Variants in NLGN4Y observed in about 807,000 individuals in gnomAD.
NLGN4Y encodes neuroligin-4, Y-linked.
In NLGN4Y, 4 loss-of-function variants were observed where a neutral mutation model predicts 8.4. That is an observed-to-expected ratio of 0.48 (90% CI 0.23 to 1.09). The LOEUF is 1.09. Ranked by LOEUF, NLGN4Y falls within the 50% of genes least tolerant of loss-of-function variation. NLGN4Y has a pLI of 0.19. For missense variants in NLGN4Y, 90 were observed against 192.3 expected (o/e 0.47, Z 3.15); for synonymous variants, 35 against 75.6 (o/e 0.46, Z 2.78).
intron 2 of NLGN4Y, among the ~76,000 whole-genome samples, chrY:14,702,879 T>C: frequency 3.0e-5 from 1 of 33,454 alleles, no homozygotes; most frequent in African/African-American, 1.2e-4. Flanking sequence ...TGGTATCTCA[T>C]TGTGGTTTTG....
chrY:14,571,890 C>T (rs2080272437), intron 1 of NLGN4Y, among the ~76,000 whole-genome samples: 1 of 32,581 alleles, frequency 3.1e-5, no homozygotes, highest in Non-Finnish European at 7.5e-5. Flanking sequence ...TCAGGTTTGT[C>T]AAAGATCAGA....
At chrY:14,633,751 C>T (rs1603501751) in intron 2 of NLGN4Y, among the ~76,000 whole-genome samples, 3 of 32,812 alleles carry the variant, frequency 9.1e-5, no homozygotes, top group Non-Finnish European at 7.4e-5. Flanking sequence ...TAAATATATA[C>T]GAAATAATTA....
chrY:14,567,624 C>T (rs2080257254), intron 1 of NLGN4Y, among the ~76,000 whole-genome samples: 1 of 30,069 alleles, frequency 3.3e-5, no homozygotes, highest in African/African-American at 1.3e-4. Flanking sequence ...ACCTTCTGTG[C>T]TCAAGCAATC....
chrY:14,541,879 T>C, intron 1 of NLGN4Y, among the ~76,000 whole-genome samples: 1 of 33,581 alleles, frequency 3.0e-5, no homozygotes, highest in African/African-American at 1.2e-4. Flanking sequence ...ATTGACACTA[T>C]GAAGAAACTG....
At chrY:14,759,617 T>C in intron 4 of NLGN4Y, among the ~76,000 whole-genome samples, 1 of 34,500 alleles carries the variant, frequency 2.9e-5, no homozygotes, top group African/African-American at 1.1e-4. Context: ...CAAAAAGATA[T>C]TAACATTTTT....
intron 1 of NLGN4Y, among the ~76,000 whole-genome samples, chrY:14,615,599 C>A: frequency 3.0e-5 from 1 of 33,392 alleles, no homozygotes; most frequent in Non-Finnish European, 7.4e-5. Context: ...TTCATCAATA[C>A]CTCGTTATTA....
intron 2 of NLGN4Y, among the ~76,000 whole-genome samples, chrY:14,683,481 G>T: frequency 3.3e-4 from 11 of 33,514 alleles, no homozygotes; most frequent in Admixed American, 8.2e-4. Context: ...TTTTATTTTG[G>T]TGTTGAAATA....
At chrY:14,614,496 C>T (rs2080480954) in intron 1 of NLGN4Y, among the ~76,000 whole-genome samples, 1 of 32,845 alleles carries the variant, frequency 3.0e-5, no homozygotes, top group Non-Finnish European at 7.5e-5. Context: ...GTATTTTAGT[C>T]GTGAAGTCCT....
At chrY:14,577,409 A>G (rs2080302558) in intron 1 of NLGN4Y, among the ~76,000 whole-genome samples, 1 of 33,771 alleles carries the variant, frequency 3.0e-5, no homozygotes, top group South Asian at 6.6e-4. Context: ...ATAAAACTTC[A>G]GTTAGAGAGA....
intron 2 of NLGN4Y, among the ~76,000 whole-genome samples, chrY:14,675,909 G>C: frequency 3.0e-5 from 1 of 33,113 alleles, no homozygotes. Context: ...TAATATTCAT[G>C]ACAATGCATG....
At chrY:14,598,881 A>ATG (rs2080416478) in intron 1 of NLGN4Y, among the ~76,000 whole-genome samples, 3 of 18,010 alleles carry the variant, frequency 1.7e-4, no homozygotes, top group Admixed American at 8.8e-4. Flanking sequence ...CTAATAGGAG[A>ATG]TGTATATATA....
Position 14,824,322 on chromosome Y carries a change from G to A in NLGN4Y, c.820G>A (p.Gly274Arg). 1 of 398,555 alleles carries A rather than the reference G, an allele frequency of 2.5e-6. No individual in the cohort carries two copies. The highest frequency in any genetic ancestry group is 3.0e-5 in the South Asian group (1 of 33,735). Residue 274 changes from glycine to arginine, a missense_variant, in exon 5 of 7, where the codon GGG (glycine) becomes AGG (arginine). Physicochemically the swap from Gly to Arg is moderately radical, Grantham distance 125 (BLOSUM62 -2). Coordinates refer to ENST00000684976, the MANE Select transcript of NLGN4Y (RefSeq NM_001365588.1). The part of the protein sequence containing the change: ...DPKRVTIFGS[G>R]AGASCVSLLT... ...CAAGAGAGTGACTATCTTTGGCTCG[G>A]GGGCTGGGGCCTCCTGTGTCAGCCT... is the stretch of plus-strand genomic sequence containing the variant.
At chrY:14,735,613 G>A (rs2080989484) in intron 4 of NLGN4Y, among the ~76,000 whole-genome samples, 2 of 33,330 alleles carry the variant, frequency 6.0e-5, no homozygotes, top group African/African-American at 2.4e-4. Flanking sequence ...TGAGAGTGGG[G>A]TGCTGCTGTA....
rs367577483 is a variant in NLGN4Y, at chrY:14,597,452, C to A, written c.-111-24557C>A. 4.8e-3 allele frequency among the ~76,000 whole-genome samples: 158 copies of A among 32,961 alleles called. No homozygotes were observed. The East Asian group carries it at 0.12, about 24-fold the overall frequency. 88.4% of individuals were successfully genotyped at this position (32,961 alleles called of 37,273 possible). ...AGTGGCCTGTTTTGTCAGGGTGCTG[C>A]TTGGCGCGTTTACAATCCCTGAGCT... On this transcript the variant is annotated intron_variant, in intron 1 of 6. Transcript: ENST00000684976.
chrY:14,657,950 C>T, intron 2 of NLGN4Y, among the ~76,000 whole-genome samples: 1 of 33,087 alleles, frequency 3.0e-5, no homozygotes, highest in Admixed American at 2.8e-4. Flanking sequence ...TTCTTGAACT[C>T]CTGGCCTTAA....
At chrY:14,733,527 A>T (rs1569370728) in intron 4 of NLGN4Y, 9 of 312,762 alleles carry the variant, frequency 2.9e-5, no homozygotes, top group East Asian at 1.1e-4. Context: ...AATTTAATAA[A>T]TTTTTTTTGA....
chrY:14,756,428 G>A (rs1030293091), intron 4 of NLGN4Y, among the ~76,000 whole-genome samples: 12 of 32,261 alleles, frequency 3.7e-4, no homozygotes, highest in African/African-American at 6.1e-4. Flanking sequence ...GAATTTAGCT[G>A]TCAGTTTAAA....
chrY:14,717,769 T>G (rs768543216), intron 2 of NLGN4Y, among the ~76,000 whole-genome samples: 1 of 33,407 alleles, frequency 3.0e-5, no homozygotes, highest in Admixed American at 2.7e-4. Flanking sequence ...AACAAAAACA[T>G]TAAACATAAA....
In NLGN4Y at chrY:14,735,003, A is replaced by G. The variant is rs766066469; in HGVS notation, c.685+11734A>G. 1.3e-3 allele frequency among the ~76,000 whole-genome samples: 45 copies of G among 34,293 alleles called. No homozygotes were observed. In the South Asian group the frequency reaches 0.029, roughly 22 times the overall value. The allele number at this position is 34,293 out of a possible 37,273, so 92.0% of individuals were successfully genotyped here. On this transcript the variant is annotated intron_variant, in intron 4 of 6. Transcript: ENST00000684976. ...TGTATATGATAGTGATTTACAAGTC[A>G]GTATTTTTGCTGTAAAGAGCGTGCC...
Sources: gnomAD v4.1 joint callset for allele counts (sites outside exome capture counted in the v4.1 genomes callset) on GRCh38, gnomAD v4.1.1 for gene constraint, MANE v1.5 for transcripts, NCBI Gene and HGNC (gene_info 2026-07-23, HGNC 2026-07-21) for gene names.